Variants in RNLS observed in about 807,000 individuals in gnomAD.
The protein encoded by RNLS is renalase, FAD dependent amine oxidase.
Under a neutral mutation model 39.8 loss-of-function variants are expected in RNLS, and 39 were observed. The ratio of observed to expected loss-of-function variants is 0.98; its 90% CI spans 0.76 to 1.28. RNLS has a LOEUF of 1.28. RNLS is among the 50% of genes most tolerant of loss of function. The pLI is 0.00. For synonymous variants in RNLS, 147 were observed against 150.7 expected, an observed-to-expected ratio of 0.98 and a Z score of 0.18; for missense variants, 410 against 413.3, an observed-to-expected ratio of 0.99 and a Z score of 0.07.
At chr10:88,464,445 C>T (rs1843097135) in intron 4 of RNLS, among the ~76,000 whole-genome samples, 2 of 152,046 alleles carry the variant, frequency 1.3e-5, no homozygotes, top group African/African-American at 4.8e-5. Flanking sequence ...TTTTATAGCC[C>T]ACTGGGGCCA....
At chr10:88,241,174 A>T in the RNLS span, among the ~76,000 whole-genome samples, 1 of 151,508 alleles carries the variant, frequency 6.6e-6, no homozygotes. Flanking sequence ...TAATAGCTTT[A>T]TAAAATATTT....
chr10:88,178,866 T>C, the RNLS span, among the ~76,000 whole-genome samples: 1 of 152,164 alleles, frequency 6.6e-6, no homozygotes, highest in Non-Finnish European at 1.5e-5. Flanking sequence ...TTGAGGGAGC[T>C]CTGAGTTGAA....
At chr10:88,387,377 G>C (rs1201012157) in intron 4 of RNLS, among the ~76,000 whole-genome samples, 3 of 152,060 alleles carry the variant, frequency 2.0e-5, no homozygotes, top group African/African-American at 7.2e-5. Context: ...AGAAGGAATA[G>C]AGAGCTCTGA....
At chr10:88,534,326 A>G (rs1157217720) in intron 4 of RNLS, among the ~76,000 whole-genome samples, 1 of 152,140 alleles carries the variant, frequency 6.6e-6, no homozygotes, top group South Asian at 2.1e-4. Context: ...GTGACCTAAT[A>G]CTGGTCATAT....
intron 5 of RNLS, among the ~76,000 whole-genome samples, chr10:88,328,966 A>T (rs1044240747): frequency 1.3e-5 from 2 of 151,886 alleles, no homozygotes; most frequent in Non-Finnish European, 1.5e-5. Context: ...GTGAAATATA[A>T]TTTTTCTTGG....
At chr10:88,472,812 G>C (rs190339450) in intron 4 of RNLS, among the ~76,000 whole-genome samples, 34 of 152,168 alleles carry the variant, frequency 2.2e-4, no homozygotes, top group Non-Finnish European at 2.9e-5. Flanking sequence ...TCTAGCACAG[G>C]GTTTGGAAAT....
chr10:88,310,105 T>A (rs1479046612), intron 6 of RNLS, among the ~76,000 whole-genome samples: 1 of 152,130 alleles, frequency 6.6e-6, no homozygotes, highest in East Asian at 1.9e-4. Context: ...TAGCCCCAGC[T>A]ACTTGGGGGC....
the RNLS span, among the ~76,000 whole-genome samples, chr10:88,207,072 A>G: frequency 6.6e-6 from 1 of 152,178 alleles, no homozygotes; most frequent in Non-Finnish European, 1.5e-5. Flanking sequence ...TTTAAAACGG[A>G]GAGATTATCT....
chr10:88,542,294 G>A (rs1394119068), intron 4 of RNLS, among the ~76,000 whole-genome samples: 2 of 152,018 alleles, frequency 1.3e-5, no homozygotes, highest in Non-Finnish European at 2.9e-5. Flanking sequence ...AAAGAATGAA[G>A]TCCAGGGAGT....
chr10:88,490,856 A>T (rs975561595), intron 4 of RNLS, among the ~76,000 whole-genome samples: 1 of 152,204 alleles, frequency 6.6e-6, no homozygotes, highest in African/African-American at 2.4e-5. Flanking sequence ...GGCATTTCAA[A>T]ATCCTATCAA....
downstream of RNLS, among the ~76,000 whole-genome samples, chr10:88,269,690 G>C (rs1340459438): frequency 2.0e-5 from 3 of 152,142 alleles, no homozygotes; most frequent in Non-Finnish European, 2.9e-5. Context: ...TTTATCCATG[G>C]CTTACACTGC....
intron 4 of RNLS, among the ~76,000 whole-genome samples, chr10:88,405,694 T>A (rs1798975675): frequency 6.6e-6 from 1 of 152,118 alleles, no homozygotes; most frequent in South Asian, 2.1e-4. Flanking sequence ...GCCATTTACA[T>A]TCAATGTTAG....
intron 4 of RNLS, among the ~76,000 whole-genome samples, chr10:88,398,014 G>A (rs4933478): frequency 0.12 from 18,054 of 151,970 alleles, 1,157 homozygotes; most frequent in Admixed American, 0.2. Context: ...ATGGTTCTGG[G>A]GCAACTGGAT....
chr10:88,349,668 T>A (rs1360050618), intron 5 of RNLS, among the ~76,000 whole-genome samples: 1 of 152,100 alleles, frequency 6.6e-6, no homozygotes, highest in Non-Finnish European at 1.5e-5. Context: ...AATTTGTGCC[T>A]ATTAATTTAA....
the RNLS span, among the ~76,000 whole-genome samples, chr10:88,212,438 T>C: frequency 6.6e-6 from 1 of 152,236 alleles, no homozygotes; most frequent in Non-Finnish European, 1.5e-5. Context: ...ATGGTTCTCT[T>C]CCAGGTCTTA....
intron 4 of RNLS, among the ~76,000 whole-genome samples, chr10:88,404,019 C>T (rs931333549): frequency 2.6e-5 from 4 of 151,786 alleles, no homozygotes; most frequent in East Asian, 1.9e-4. Context: ...ACTCCAGCCT[C>T]GGCAACAGAG....
the RNLS span, among the ~76,000 whole-genome samples, chr10:88,234,146 G>A: frequency 6.6e-6 from 1 of 150,972 alleles, no homozygotes; most frequent in East Asian, 2.0e-4. Context: ...GTGACAATGG[G>A]AGATTGGGAG....
Position 88,570,989 on chromosome 10 carries a change from GT to G in RNLS, c.526+1913del, listed in dbSNP as rs144516764. On this transcript the variant is annotated intron_variant, in intron 4 of 6. Coordinates refer to ENST00000331772, the MANE Select transcript of RNLS (RefSeq NM_001031709.3). ...TTTTTTTTTTTTTTTTTTTTGGTTT[GT>G]TTTTTTTTTTTGACACAAGGTCTTG... Among the ~76,000 whole-genome samples, 1,155 of 126,524 alleles carry G rather than the reference GT, an allele frequency of 9.1e-3. 12 individuals are homozygous for G. Among genetic ancestry groups the G allele is most frequent in the African/African-American group, 0.027 (1,007 of 37,408 alleles). 83.0% of individuals were successfully genotyped at this position (126,524 alleles called of 152,430 possible).
chr10:88,397,989 T>C (rs147211203), intron 4 of RNLS, among the ~76,000 whole-genome samples: 1 of 152,170 alleles, frequency 6.6e-6, no homozygotes, highest in East Asian at 1.9e-4. Context: ...GGGGAAATAA[T>C]GGTCTTTTTG....
Sources: gnomAD v4.1 joint callset for allele counts (sites outside exome capture counted in the v4.1 genomes callset) on GRCh38, gnomAD v4.1.1 for gene constraint, MANE v1.5 for transcripts, NCBI Gene and HGNC (gene_info 2026-07-23, HGNC 2026-07-21) for gene names.